PAEP: variants seen among roughly 807,000 people sequenced by gnomAD.
PAEP encodes progestagen associated endometrial protein.
Under a neutral mutation model 23.0 loss-of-function variants are expected in PAEP, and 28 were observed. The ratio of observed to expected loss-of-function variants is 1.22; its 90% CI spans 0.90 to 1.67. The LOEUF is 1.67. Among genes scored for constraint, PAEP ranks in the 40% most tolerant of loss-of-function variants. The probability of loss-of-function intolerance (pLI) is 0.00; values close to 1 mark genes in which losing one functional copy is unlikely to be tolerated. For missense variants in PAEP, 209 were observed against 226.4 expected (o/e 0.92, Z 0.49); for synonymous variants, 103 against 92.4 (o/e 1.12, Z -0.66).
chr9:135,564,498 G>A, intron 4 of PAEP, 144 bp downstream of exon 4: 1 of 1,458,252 alleles, frequency 6.9e-7, no homozygotes, highest in Non-Finnish European at 9.0e-7. Context: ...TTTTTTATTT[G>A]TTTGTTGTTT....
chr9:135,565,132 C>T lies in PAEP; in HGVS notation c.422-278C>T, dbSNP rs549974083. On this transcript the variant is annotated intron_variant, in intron 4 of 6. Coordinates refer to ENST00000479141, the MANE Select transcript of PAEP (RefSeq NM_002571.4). ...AGCCAGGCACTGTGCTCTCCTGTGA[C>T]GCTGTAGACACCATCCTAAGCTGTG... Among the ~76,000 whole-genome samples the T allele has an allele frequency of 4.9e-4, 75 of 152,320 alleles. 1 individual carries two copies. Among genetic ancestry groups the T allele is most frequent in the African/African-American group, 1.7e-3 (71 of 41,580 alleles).
chr9:135,561,939 G>T, intron 1 of PAEP, 42 bp downstream of exon 1: 1 of 1,457,148 alleles, frequency 6.9e-7, no homozygotes, highest in South Asian at 1.2e-5. Context: ...TGGGAGGCCT[G>T]GGGCGGGTGG....
intron 2 of PAEP, among the ~76,000 whole-genome samples, 162 bp from the exon 3 acceptor site, chr9:135,562,658 C>T (rs1832365082): frequency 6.6e-6 from 1 of 152,196 alleles, no homozygotes; most frequent in Non-Finnish European, 1.5e-5. Context: ...CAGCCAACCA[C>T]ACAGTGCAGC....
At chr9:135,562,203 A>G (rs1043505050) in intron 1 of PAEP, 91 bp from the exon 2 acceptor site, 23 of 1,431,762 alleles carry the variant, frequency 1.6e-5, no homozygotes, top group Non-Finnish European at 2.1e-5. Flanking sequence ...TGCTCACTGT[A>G]CCCATCCCAG....
chr9:135,564,962 C>T, intron 4 of PAEP: 1 of 807,772 alleles, frequency 1.2e-6, no homozygotes, highest in Non-Finnish European at 1.5e-6. Flanking sequence ...ATGATGCTGT[C>T]AACCAAACGA....
chr9:135,563,250 A>G (rs1027203708), intron 3 of PAEP, among the ~76,000 whole-genome samples: 7 of 142,610 alleles, frequency 4.9e-5, no homozygotes, highest in Non-Finnish European at 9.2e-5. Flanking sequence ...GGGTAGGTGG[A>G]TATGTATACA....
intron 3 of PAEP, 161 bp downstream of exon 3, chr9:135,563,054 C>T (rs146871306): frequency 1.6e-6 from 1 of 623,506 alleles, no homozygotes; most frequent in East Asian, 2.7e-5. Context: ...CTGATGCTGA[C>T]CCCAGAGGCA....
intron 2 of PAEP, 55 bp downstream of exon 2, chr9:135,562,488 G>A (rs959726316): frequency 1.9e-6 from 3 of 1,592,654 alleles, no homozygotes; most frequent in Non-Finnish European, 8.6e-7. Flanking sequence ...CCCCCCTCAG[G>A]GGTCCAGGAC....
At chr9:135,563,395 C>T (rs1326923611) in intron 3 of PAEP, among the ~76,000 whole-genome samples, 1 of 146,306 alleles carries the variant, frequency 6.8e-6, no homozygotes, top group African/African-American at 2.5e-5. Context: ...GGTAGGTATA[C>T]AGGTGGACAG....
intron 4 of PAEP, among the ~76,000 whole-genome samples, chr9:135,565,145 A>G (rs749028458): frequency 6.6e-6 from 1 of 152,210 alleles, no homozygotes; most frequent in African/African-American, 2.4e-5. Flanking sequence ...TGTAGACACC[A>G]TCCTAAGCTG....
chr9:135,561,756 A>G lies in PAEP; in HGVS notation c.-46A>G. ...AGGCCCCCTGAGCCCACACTGCCTCAGCATCCCTCTGGCTCCAGAGCTCAG... is the reference window on the plus strand; with the variant it reads ...AGGCCCCCTGAGCCCACACTGCCTCGGCATCCCTCTGGCTCCAGAGCTCAG... On this transcript the variant is annotated 5_prime_UTR_variant, in exon 1 of 7. Transcript: ENST00000479141. 1 of 1,438,764 alleles carries G rather than the reference A, an allele frequency of 7.0e-7. No individual in the cohort carries two copies. The highest frequency in any genetic ancestry group is 2.5e-5 in the East Asian group (1 of 39,800). The allele number at this position is 1,438,764 out of a possible 1,614,324, so 89.1% of individuals were successfully genotyped here.
In PAEP at chr9:135,562,982, T is replaced by C. The variant is rs371463366; in HGVS notation, c.310+89T>C. 25 of 998,102 alleles carry C rather than the reference T, an allele frequency of 2.5e-5. No homozygotes were observed. In the South Asian group the frequency reaches 3.0e-4, roughly 12 times the overall value. The allele number at this position is 998,102 out of a possible 1,614,324, so 61.8% of individuals were successfully genotyped here. A position where few individuals can be genotyped will look rare whatever the true frequency, so the allele number is the denominator to read the frequency against. ...GCGGCTCTGCTGGGGCATGAGGGAG[T>C]GGGGCCTGGCCTGTCCCCACTCTCT... On this transcript the variant is annotated intron_variant, in intron 3 of 6. Coordinates refer to ENST00000479141, the MANE Select transcript of PAEP (RefSeq NM_002571.4).
intron 4 of PAEP, among the ~76,000 whole-genome samples, chr9:135,565,108 G>A (rs546362193): frequency 3.3e-5 from 5 of 152,300 alleles, no homozygotes; most frequent in African/African-American, 1.2e-4. Flanking sequence ...CACTGGGAGA[G>A]CCAGGCACTG....
chr9:135,565,360 G>T lies in PAEP; in HGVS notation c.422-50G>T. 2 of 1,469,128 alleles carry T rather than the reference G, an allele frequency of 1.4e-6. 1 individual carries two copies. The highest frequency in any genetic ancestry group is 2.3e-5 in the South Asian group (2 of 88,320). 91.0% of individuals were successfully genotyped at this position (1,469,128 alleles called of 1,614,324 possible). ...CAGGCAAGGCCTCTGGAGCTCCCCA[G>T]CTCTCATGGAAGCCCCAGGGGCCCA... is the stretch of plus-strand genomic sequence containing the variant. On this transcript the variant is annotated intron_variant, in intron 4 of 6. Coordinates refer to ENST00000479141, the MANE Select transcript of PAEP (RefSeq NM_002571.4).
At chr9:135,566,108 G>A (rs1832569189) in intron 6 of PAEP, 1 of 406,870 alleles carries the variant, frequency 2.5e-6, no homozygotes, top group Admixed American at 3.9e-5. Context: ...GAGGAGGAAG[G>A]AGGATGGTTA....
chr9:135,562,848 G>A lies in PAEP; in HGVS notation c.265G>A (p.Val89Ile). The A allele has an allele frequency of 1.2e-6, 2 of 1,614,030 alleles. No homozygotes were observed. The highest frequency in any genetic ancestry group is 1.7e-6 in the Non-Finnish European group (2 of 1,179,908). Residue 89 changes from valine to isoleucine, a missense_variant, in exon 3 of 7, where the codon GTC becomes ATC. Transcript: ENST00000479141. ...GAACAACAGCTGTGTTGAGAAGAAG[G>A]TCCTTGGAGAGAAGACTGAGAATCC... ...WENNSCVEKK[V>I]LGEKTENPKK...
At position 135,562,839 on chromosome 9, in the gene PAEP, GAGA is replaced by G. The variant is rs1242994911; in HGVS notation, c.262_264del (p.Lys88del). 1 of 1,613,832 alleles carries G rather than the reference GAGA, an allele frequency of 6.2e-7. No homozygotes were observed. Among genetic ancestry groups the G allele is most frequent in the Non-Finnish European group, 8.5e-7 (1 of 1,179,856 alleles). On this transcript the variant is annotated inframe_deletion, in exon 3 of 7. Coordinates refer to ENST00000479141, the MANE Select transcript of PAEP (RefSeq NM_002571.4). Reference sequence around the variant, plus strand: ...TTTCAGGGAGAACAACAGCTGTGTTGAGAAGAAGGTCCTTGGAGAGAAGACTGA... The same window carrying G: ...TTTCAGGGAGAACAACAGCTGTGTTGAGAAGGTCCTTGGAGAGAAGACTGA...
At chr9:135,563,083 G>A in intron 3 of PAEP, 190 bp downstream of exon 3, 1 of 588,748 alleles carries the variant, frequency 1.7e-6, no homozygotes, top group South Asian at 1.9e-5. Context: ...CTGGAGGGCA[G>A]GGGAAGCACT....
At chr9:135,565,128 G>C (rs1832515926) in intron 4 of PAEP, among the ~76,000 whole-genome samples, 2 of 152,344 alleles carry the variant, frequency 1.3e-5, no homozygotes, top group African/African-American at 2.4e-5. Context: ...GTGCTCTCCT[G>C]TGACGCTGTA....
Sources: gnomAD v4.1 joint callset for allele counts (sites outside exome capture counted in the v4.1 genomes callset) on GRCh38, gnomAD v4.1.1 for gene constraint, MANE v1.5 for transcripts, NCBI Gene and HGNC (gene_info 2026-07-23, HGNC 2026-07-21) for gene names.